The following CHODL variants were observed in gnomAD, a reference collection of about 807,000 sequenced individuals.
The protein encoded by CHODL is transmembrane protein MT75.
In CHODL, 29 loss-of-function variants were observed where a neutral mutation model predicts 34.5. The ratio of observed to expected loss-of-function variants is 0.84; its 90% confidence interval spans 0.63 to 1.15. The LOEUF is 1.15. CHODL is among the 50% of genes most tolerant of loss of function. CHODL has a pLI of 0.00. For missense variants in CHODL, 332 were observed against 332.5 expected (o/e 1.00, Z 0.01); for synonymous variants, 125 against 116.1 (o/e 1.08, Z -0.49).
chr21:17,990,243 C>A (rs956906498), intron 1 of CHODL, among the ~76,000 whole-genome samples: 2 of 152,002 alleles, frequency 1.3e-5, no homozygotes, highest in Non-Finnish European at 2.9e-5. Flanking sequence ...CCTCTCTTTG[C>A]TTTTCTCTCC....
chr21:18,054,649 C>T (rs1016278292), intron 2 of CHODL, among the ~76,000 whole-genome samples: 2 of 151,896 alleles, frequency 1.3e-5, no homozygotes, highest in African/African-American at 2.4e-5. Context: ...TATGAAGTTT[C>T]AGTGAGACAG....
At chr21:18,137,987 C>T (rs1568905614) in intron 2 of CHODL, among the ~76,000 whole-genome samples, 1 of 151,894 alleles carries the variant, frequency 6.6e-6, no homozygotes, top group East Asian at 1.9e-4. Flanking sequence ...AATTTAGGGA[C>T]CAAAAAAAAC....
At chr21:18,060,767 A>G (rs79463535) in intron 2 of CHODL, among the ~76,000 whole-genome samples, 3 of 151,334 alleles carry the variant, frequency 2.0e-5, no homozygotes, top group Non-Finnish European at 2.9e-5. Context: ...AAGGTTGATT[A>G]AACTGTTTGT....
At chr21:17,962,184 A>G (rs2063537023) in intron 1 of CHODL, among the ~76,000 whole-genome samples, 1 of 152,218 alleles carries the variant, frequency 6.6e-6, no homozygotes, top group African/African-American at 2.4e-5. Flanking sequence ...TCTCAAACAT[A>G]TGGAATCAAG....
intron 2 of CHODL, among the ~76,000 whole-genome samples, chr21:18,195,003 C>G (rs1363337241): frequency 1.3e-5 from 2 of 151,548 alleles, no homozygotes; most frequent in Non-Finnish European, 2.9e-5. Context: ...TTCAAGAATA[C>G]AATACATTGT....
At chr21:18,019,557 A>G (rs2064108417) in intron 1 of CHODL, among the ~76,000 whole-genome samples, 1 of 152,202 alleles carries the variant, frequency 6.6e-6, no homozygotes, top group African/African-American at 2.4e-5. Context: ...TATACATTGT[A>G]TGCCTGTATC....
chr21:18,098,889 C>T (rs1318753445), intron 2 of CHODL, among the ~76,000 whole-genome samples: 2 of 151,770 alleles, frequency 1.3e-5, no homozygotes, highest in African/African-American at 4.8e-5. Flanking sequence ...GAGTCCTATT[C>T]AGCCATAAAA....
chr21:18,079,172 T>A (rs1471765359), intron 2 of CHODL, among the ~76,000 whole-genome samples: 1 of 152,032 alleles, frequency 6.6e-6, no homozygotes, highest in Non-Finnish European at 1.5e-5. Flanking sequence ...CTTCTCTGTA[T>A]GTCCATGTGT....
Position 18,073,923 on chromosome 21 carries a change from T to G in CHODL, c.-45+45952T>G, listed in dbSNP as rs1018202855. 2.6e-5 allele frequency among the ~76,000 whole-genome samples: 4 copies of G among 152,138 alleles called. No homozygotes were observed. The East Asian group carries it at 7.7e-4, about 29-fold the overall frequency. On this transcript the variant is annotated intron_variant, in intron 2 of 6. Coordinates refer to the CHODL transcript ENST00000400127. ...ATAAACTTTATTTTTAAAAAACAGT[T>G]AAAAATAAATTTCATAACATTTAGC...
chr21:18,163,563 G>C (rs1014993657), intron 2 of CHODL, among the ~76,000 whole-genome samples: 11 of 152,098 alleles, frequency 7.2e-5, no homozygotes, highest in African/African-American at 2.7e-4. Flanking sequence ...GTTACTAAAT[G>C]GGTACTGGGT....
intron 2 of CHODL, among the ~76,000 whole-genome samples, chr21:18,097,637 T>C (rs141057097): frequency 8.5e-5 from 13 of 152,220 alleles, no homozygotes; most frequent in Admixed American, 3.3e-4. Flanking sequence ...AAAATATCCA[T>C]ACTACTCAAA....
intron 2 of CHODL, among the ~76,000 whole-genome samples, chr21:18,125,045 A>G (rs1212787905): frequency 6.6e-6 from 1 of 152,216 alleles, no homozygotes; most frequent in Admixed American, 6.5e-5. Flanking sequence ...ATCAGTAGTG[A>G]GTCACATAAA....
At chr21:17,986,246 A>G (rs1159936626) in intron 1 of CHODL, among the ~76,000 whole-genome samples, 2 of 150,598 alleles carry the variant, frequency 1.3e-5, no homozygotes, top group Non-Finnish European at 3.0e-5. Flanking sequence ...TACACATGCC[A>G]TGGTGGTTTG....
chr21:17,977,503 A>C (rs62213021), intron 1 of CHODL, among the ~76,000 whole-genome samples: 150,570 of 150,570 alleles, frequency 1, 75,285 homozygotes, highest in Non-Finnish European at 1. Flanking sequence ...GTAGCTGGGA[A>C]TATGCGCCAC....
intron 1 of CHODL, among the ~76,000 whole-genome samples, chr21:17,942,906 G>GT (rs2063377196): frequency 6.6e-6 from 1 of 152,146 alleles, no homozygotes; most frequent in Admixed American, 6.5e-5. Context: ...TAGTGAGTGA[G>GT]TTCTCATGAG....
intron 2 of CHODL, among the ~76,000 whole-genome samples, chr21:18,130,120 G>T (rs1180335104): frequency 6.6e-6 from 1 of 151,940 alleles, no homozygotes; most frequent in Non-Finnish European, 1.5e-5. Context: ...TTGGTTTCTG[G>T]TTCATGTGGT....
intron 2 of CHODL, among the ~76,000 whole-genome samples, chr21:18,228,899 C>T (rs1354546945): frequency 6.6e-6 from 1 of 152,128 alleles, no homozygotes; most frequent in Non-Finnish European, 1.5e-5. Context: ...AGCTCACCAA[C>T]TTAAAATAGC....
chr21:18,152,537 G>A (rs765180438), intron 2 of CHODL, among the ~76,000 whole-genome samples: 26 of 152,194 alleles, frequency 1.7e-4, no homozygotes, highest in Non-Finnish European at 3.4e-4. Context: ...TTGTAAAACA[G>A]AAGTCTTTAG....
chr21:18,135,424 AGTT>A (rs2072709764), intron 2 of CHODL, among the ~76,000 whole-genome samples: 2 of 152,152 alleles, frequency 1.3e-5, no homozygotes, highest in African/African-American at 4.8e-5. Context: ...ATAAGAACAC[AGTT>A]GCTTCGATGG....
Sources: allele counts gnomAD v4.1 joint callset (sites outside exome capture counted in the v4.1 genomes callset), GRCh38; gene constraint gnomAD v4.1.1; transcripts MANE v1.5; gene names NCBI Gene and HGNC (gene_info 2026-07-23, HGNC 2026-07-21).